Variants in SLC35F3 observed in about 807,000 individuals in gnomAD.
SLC35F3 encodes solute carrier family 35 member F3, also known as putative thiamine transporter SLC35F3.
A neutral mutation model predicts 49.9 loss-of-function variants in SLC35F3; 25 were observed. That is an observed-to-expected ratio of 0.50 (90% CI 0.37 to 0.70). The LOEUF (loss-of-function observed/expected upper bound fraction) is 0.70, where lower values mean the gene tolerates loss of function less well. SLC35F3 is among the 30% of genes least tolerant of loss of function. SLC35F3 has a pLI of 0.00. For synonymous variants in SLC35F3, 275 were observed against 265.4 expected, an observed-to-expected ratio of 1.04 and a Z score of -0.35; for missense variants, 525 against 639.8, an observed-to-expected ratio of 0.82 and a Z score of 1.94.
At chr1:234,185,980 C>T (rs975982411) in intron 2 of SLC35F3, among the ~76,000 whole-genome samples, 1 of 152,142 alleles carries the variant, frequency 6.6e-6, no homozygotes, top group Admixed American at 6.5e-5. Flanking sequence ...TCCTAGTTTA[C>T]CTACTGACTG....
chr1:234,173,652 A>G (rs932304700), intron 2 of SLC35F3, among the ~76,000 whole-genome samples: 4 of 152,218 alleles, frequency 2.6e-5, no homozygotes, highest in African/African-American at 9.6e-5. Context: ...AGCAGCCACA[A>G]TGTGGATTCG....
intron 3 of SLC35F3, among the ~76,000 whole-genome samples, chr1:234,270,608 A>G (rs1487216833): frequency 2.0e-5 from 3 of 152,222 alleles, no homozygotes; most frequent in Non-Finnish European, 4.4e-5. Context: ...CCCTTGGAGA[A>G]AGTGGTAATT....
chr1:234,231,820 T>C lies in SLC35F3; in HGVS notation c.608+79T>C. On this transcript the variant is annotated intron_variant, in intron 3 of 7. Coordinates refer to ENST00000366618, the MANE Select transcript of SLC35F3 (RefSeq NM_173508.4). The surrounding 1 kb of genome is among the most constrained non-coding windows in gnomAD (Gnocchi z 5.4). ...GCTGACTCTGCAGAGCTGCCCCTGG[T>C]GGCAGGCGCTGGGATGAGCCGGTGG... 1 of 1,371,918 alleles carries C rather than the reference T, an allele frequency of 7.3e-7. No individual in the cohort carries two copies. Among genetic ancestry groups the C allele is most frequent in the South Asian group, 1.3e-5 (1 of 74,176 alleles). The allele number at this position is 1,371,918 out of a possible 1,614,324, so 85.0% of individuals were successfully genotyped here. A position where few individuals can be genotyped will look rare whatever the true frequency, so the allele number is the denominator to read the frequency against.
At chr1:234,213,282 G>T (rs1214889419) in intron 2 of SLC35F3, 4 of 152,222 alleles carry the variant, frequency 2.6e-5, no homozygotes, top group Non-Finnish European at 5.9e-5. Flanking sequence ...AGCATTGAAG[G>T]TTCTGAAATT....
At position 234,030,925 on chromosome 1, in the gene SLC35F3, G is replaced by T. The variant is rs1664053038; in HGVS notation, c.283+125167G>T. On this transcript the variant is annotated intron_variant, in intron 2 of 7. Transcript: ENST00000366618. ...AGGTCTCAGCTCAAATGGAGAACAAGGCAGACTAAATCTTATTATTCTGCC... is the reference window on the plus strand; with the variant it reads ...AGGTCTCAGCTCAAATGGAGAACAATGCAGACTAAATCTTATTATTCTGCC... Among the ~76,000 whole-genome samples, 3 of 152,154 alleles carry T rather than the reference G, an allele frequency of 2.0e-5. No individual in the cohort carries two copies. In the South Asian group the frequency reaches 6.2e-4, roughly 32 times the overall value.
At chr1:234,090,291 A>G (rs1665022421) in intron 2 of SLC35F3, among the ~76,000 whole-genome samples, 1 of 152,290 alleles carries the variant, frequency 6.6e-6, no homozygotes, top group South Asian at 2.1e-4. Context: ...AATGGGTAAG[A>G]GCTATGAAAG....
At chr1:234,040,968 T>A (rs554535855) in intron 2 of SLC35F3, among the ~76,000 whole-genome samples, 1 of 152,092 alleles carries the variant, frequency 6.6e-6, no homozygotes, top group Non-Finnish European at 1.5e-5. Context: ...TGCAGGAGAG[T>A]TGGCTGAACG....
chr1:234,135,570 A>G (rs1665798254), intron 2 of SLC35F3, among the ~76,000 whole-genome samples: 1 of 152,208 alleles, frequency 6.6e-6, no homozygotes, highest in Non-Finnish European at 1.5e-5. Context: ...ACAAAGTAAA[A>G]TCAGCAAAGG....
intron 2 of SLC35F3, among the ~76,000 whole-genome samples, chr1:234,061,407 T>C (rs1305878180): frequency 6.6e-6 from 1 of 152,204 alleles, no homozygotes; most frequent in African/African-American, 2.4e-5. Flanking sequence ...CTTAAGATTT[T>C]AGAATTTTAC....
chr1:233,954,024 T>G (rs1662653280), intron 2 of SLC35F3, among the ~76,000 whole-genome samples: 1 of 151,456 alleles, frequency 6.6e-6, no homozygotes, highest in South Asian at 2.1e-4. Context: ...TTTTTTTTTT[T>G]GAGACGGAGT....
At chr1:234,156,401 C>A (rs145345541) in intron 2 of SLC35F3, among the ~76,000 whole-genome samples, 19 of 152,180 alleles carry the variant, frequency 1.2e-4, no homozygotes, top group Middle Eastern at 6.8e-3. Flanking sequence ...AGAAATGTAC[C>A]CAAAAGCGAT....
intron 3 of SLC35F3, among the ~76,000 whole-genome samples, chr1:234,234,884 A>G (rs531576414): frequency 6.6e-6 from 1 of 152,282 alleles, no homozygotes; most frequent in East Asian, 1.9e-4. Context: ...CGCCCTATAC[A>G]CTGTAACATG....
chr1:234,087,043 T>C (rs1382783182), intron 2 of SLC35F3, among the ~76,000 whole-genome samples: 1 of 152,220 alleles, frequency 6.6e-6, no homozygotes. Flanking sequence ...ACATGACCTG[T>C]TTGAACTTCT....
chr1:234,318,160 C>T (rs1657533922), intron 5 of SLC35F3, among the ~76,000 whole-genome samples: 1 of 152,202 alleles, frequency 6.6e-6, no homozygotes. Flanking sequence ...AGCTTCTGGC[C>T]ACTCCCATCA....
At chr1:234,236,925 T>TATATATATATATATA (rs1491285612) in intron 3 of SLC35F3, among the ~76,000 whole-genome samples, 4 of 96,290 alleles carry the variant, frequency 4.2e-5, no homozygotes, top group African/African-American at 1.6e-4. Context: ...AAAAAAAAAA[T>TATATATATATATATA]TATATATATA....
intron 2 of SLC35F3, among the ~76,000 whole-genome samples, chr1:233,970,049 A>G (rs1012675614): frequency 2.0e-5 from 3 of 152,230 alleles, no homozygotes; most frequent in Non-Finnish European, 4.4e-5. Context: ...CTAGTGGGAC[A>G]GTTTGCTACC....
intron 2 of SLC35F3, among the ~76,000 whole-genome samples, chr1:234,227,392 C>CTTTTTTTTTTTTTTTTTTTTTTTTTTTT: frequency 9.2e-6 from 1 of 108,666 alleles, no homozygotes; most frequent in Non-Finnish European, 2.0e-5. Flanking sequence ...CTCTTTCTTT[C>CTTTTTTTTTTTTTTTTTTTTTTTTTTTT]TTTTTTTTTT....
chr1:234,161,769 G>A (rs1666231653), intron 2 of SLC35F3, among the ~76,000 whole-genome samples: 1 of 152,136 alleles, frequency 6.6e-6, no homozygotes, highest in African/African-American at 2.4e-5. Flanking sequence ...TCGTGCCACT[G>A]CACTACAGCT....
intron 2 of SLC35F3, among the ~76,000 whole-genome samples, chr1:234,122,576 C>T (rs1461967943): frequency 6.6e-6 from 1 of 152,084 alleles, no homozygotes; most frequent in Non-Finnish European, 1.5e-5. Flanking sequence ...AGGTTTTAAG[C>T]CCCATATGCA....
Sources: gnomAD v4.1 joint callset for allele counts (sites outside exome capture counted in the v4.1 genomes callset) on GRCh38, gnomAD v4.1.1 for gene constraint, Gnocchi (gnomAD v3.1) non-coding constraint, MANE v1.5 for transcripts, NCBI Gene and HGNC (gene_info 2026-07-23, HGNC 2026-07-21) for gene names.